The following KCNN2 variants were observed in gnomAD, a reference collection of about 807,000 sequenced individuals.
The protein encoded by KCNN2 is small conductance calcium-activated potassium channel protein 2.
KCNN2 carries 24 observed loss-of-function variants against 55.5 expected under a neutral mutation model. The ratio of observed to expected loss-of-function variants is 0.43; its 90% CI spans 0.31 to 0.61. KCNN2 has a LOEUF of 0.61. Among genes scored for constraint, KCNN2 ranks in the 20% least tolerant of loss-of-function variants. The pLI is 0.08. For missense variants in KCNN2, 754 were observed against 853.6 expected (o/e 0.88, Z 1.45); for synonymous variants, 431 against 336.1 (o/e 1.28, Z -3.09).
At chr5:114,106,643 G>GTTTTTTTTT (rs149036166) in intron 1 of KCNN2, among the ~76,000 whole-genome samples, 20 of 69,916 alleles carry the variant, frequency 2.9e-4, no homozygotes, top group South Asian at 5.1e-4. Context: ...TTTTCCAGTT[G>GTTTTTTTTT]TTTTTTTTTT....
chr5:114,227,148 C>G (rs953644611), intron 2 of KCNN2, among the ~76,000 whole-genome samples: 3 of 152,106 alleles, frequency 2.0e-5, no homozygotes, highest in Admixed American at 2.0e-4. Flanking sequence ...ACTTGGTTCA[C>G]CTCTAAAATG....
chr5:114,071,414 A>G (rs1418989838), intron 1 of KCNN2, among the ~76,000 whole-genome samples: 1 of 152,208 alleles, frequency 6.6e-6, no homozygotes, highest in Non-Finnish European at 1.5e-5. Context: ...TTTTGTGAAG[A>G]CATGCCTGTT....
intron 2 of KCNN2, among the ~76,000 whole-genome samples, chr5:114,301,921 CA>C (rs893597913): frequency 3.3e-5 from 5 of 151,926 alleles, no homozygotes; most frequent in Admixed American, 1.3e-4. Context: ...AATACCCCTT[CA>C]AAAAAAATCC....
At chr5:114,079,343 C>T (rs2721318) in intron 1 of KCNN2, among the ~76,000 whole-genome samples, 1 of 151,798 alleles carries the variant, frequency 6.6e-6, no homozygotes, top group Admixed American at 6.6e-5. Context: ...TAGCATTATA[C>T]GTCATGAAAA....
intron 1 of KCNN2, among the ~76,000 whole-genome samples, chr5:114,201,458 C>T (rs1753671919): frequency 6.6e-6 from 1 of 152,038 alleles, no homozygotes. Flanking sequence ...AGGTGCACAG[C>T]ATGAGGAAGA....
chr5:114,346,130 A>G (rs1432261625), intron 2 of KCNN2, among the ~76,000 whole-genome samples: 1 of 152,214 alleles, frequency 6.6e-6, no homozygotes, highest in Non-Finnish European at 1.5e-5. Context: ...GAGCAGGCAC[A>G]TCACATGGCC....
At chr5:114,072,171 A>G (rs1442219209) in intron 1 of KCNN2, among the ~76,000 whole-genome samples, 8 of 152,152 alleles carry the variant, frequency 5.3e-5, no homozygotes, top group Non-Finnish European at 8.8e-5. Context: ...GCATGCCTGT[A>G]GTCCCAGCTA....
chr5:114,363,189 G>A lies in KCNN2; in HGVS notation c.1050G>A (p.Ala350=). ...FEKRKRLSDY[A]LIFGMFGIVV... ...AGCGCAAGCGGCTCAGCGACTACGCGCTCATCTTCGGCATGTTCGGCATCG... is the reference window on the plus strand; with the variant it reads ...AGCGCAAGCGGCTCAGCGACTACGCACTCATCTTCGGCATGTTCGGCATCG... Residue 350 remains alanine (A), a synonymous_variant, in exon 1 of 8, where the codon GCG becomes GCA. Transcript: ENST00000673685. 1 of 1,613,428 alleles carries A rather than the reference G, an allele frequency of 6.2e-7. No homozygotes were observed. The highest frequency in any genetic ancestry group is 1.3e-5 in the African/African-American group (1 of 75,070).
intron 1 of KCNN2, among the ~76,000 whole-genome samples, chr5:114,145,237 G>C (rs995534041): frequency 6.6e-6 from 1 of 152,174 alleles, no homozygotes; most frequent in Non-Finnish European, 1.5e-5. Context: ...GACAATCTGT[G>C]ACCCTGAGAG....
chr5:114,153,311 C>G (rs1366543913), intron 1 of KCNN2, among the ~76,000 whole-genome samples: 2 of 152,156 alleles, frequency 1.3e-5, no homozygotes, highest in African/African-American at 4.8e-5. Context: ...CCACTTTGTT[C>G]TCACTCCAGT....
chr5:114,219,133 G>A (rs1388093858), intron 1 of KCNN2, among the ~76,000 whole-genome samples: 1 of 152,222 alleles, frequency 6.6e-6, no homozygotes, highest in Non-Finnish European at 1.5e-5. Flanking sequence ...AGGCCCTGCA[G>A]CAGCATCCAG....
chr5:114,118,282 A>G (rs1431383182), intron 1 of KCNN2, among the ~76,000 whole-genome samples: 2 of 152,144 alleles, frequency 1.3e-5, no homozygotes, highest in Admixed American at 1.3e-4. Flanking sequence ...ACATCAGTGC[A>G]CACACACAGG....
intron 1 of KCNN2, among the ~76,000 whole-genome samples, chr5:114,119,991 A>G (rs897243550): frequency 1.3e-5 from 2 of 152,182 alleles, no homozygotes; most frequent in African/African-American, 4.8e-5. Flanking sequence ...GCATGTGCGC[A>G]TGTGCAAACT....
At chr5:114,344,814 TA>T (rs754525425) in intron 2 of KCNN2, among the ~76,000 whole-genome samples, 6 of 152,210 alleles carry the variant, frequency 3.9e-5, no homozygotes, top group Admixed American at 6.5e-5. Context: ...ACTCAGATTA[TA>T]AACTGCCACG....
chr5:114,179,356 G>A (rs1448388138), intron 1 of KCNN2, among the ~76,000 whole-genome samples: 1 of 152,158 alleles, frequency 6.6e-6, no homozygotes, highest in Non-Finnish European at 1.5e-5. Context: ...GTGCTTCTCC[G>A]TAGGGCTGAT....
At chr5:114,238,023 C>G (rs1408560687) in intron 2 of KCNN2, among the ~76,000 whole-genome samples, 2 of 152,174 alleles carry the variant, frequency 1.3e-5, no homozygotes, top group Admixed American at 6.5e-5. Context: ...CACGTGGCTT[C>G]AATTTCACCG....
intron 1 of KCNN2, among the ~76,000 whole-genome samples, chr5:114,066,210 C>A (rs150662860): frequency 2.6e-5 from 4 of 152,296 alleles, no homozygotes. Context: ...TCATAAAGAA[C>A]TTTCTCTCTT....
At chr5:114,066,430 A>G (rs1750452631) in intron 1 of KCNN2, among the ~76,000 whole-genome samples, 1 of 152,248 alleles carries the variant, frequency 6.6e-6, no homozygotes. Flanking sequence ...TTTGGGAGGA[A>G]TCTGAGAGCA....
At chr5:114,095,817 G>T (rs1751243742) in intron 1 of KCNN2, among the ~76,000 whole-genome samples, 1 of 150,240 alleles carries the variant, frequency 6.7e-6, no homozygotes, top group African/African-American at 2.5e-5. Flanking sequence ...AATTTTTTTT[G>T]ACTTCCAAAT....
Sources: gnomAD v4.1 joint callset for allele counts (sites outside exome capture counted in the v4.1 genomes callset) on GRCh38, gnomAD v4.1.1 for gene constraint, MANE v1.5 for transcripts, NCBI Gene and HGNC (gene_info 2026-07-23, HGNC 2026-07-21) for gene names.